Variants in ST8SIA2 observed in about 807,000 individuals in gnomAD.
The protein encoded by ST8SIA2 is ST8 alpha-N-acetyl-neuraminide alpha-2,8-sialyltransferase 2, also known as alpha-2,8-sialyltransferase 8B.
ST8SIA2 carries 22 observed loss-of-function variants against 37.6 expected under a neutral mutation model. The observed-to-expected ratio is 0.58, with a 90% CI of 0.42 to 0.83. The LOEUF (loss-of-function observed/expected upper bound fraction) is 0.83. Ranked by LOEUF, ST8SIA2 falls within the 40% of genes least tolerant of loss-of-function variation. The pLI, the probability that ST8SIA2 is intolerant of heterozygous loss-of-function variation, is 0.00. For synonymous variants in ST8SIA2, 205 were observed against 201.2 expected (o/e 1.02, Z -0.16); for missense variants, 382 against 484.7 (o/e 0.79, Z 1.99).
intron 1 of ST8SIA2, among the ~76,000 whole-genome samples, chr15:92,408,982 G>C (rs11636650): frequency 0.093 from 14,114 of 152,208 alleles, 947 homozygotes; most frequent in East Asian, 0.37. Flanking sequence ...GGGATTACAG[G>C]CATGAGCTAC....
At chr15:92,425,917 G>A (rs558836653) in intron 1 of ST8SIA2, among the ~76,000 whole-genome samples, 8 of 152,264 alleles carry the variant, frequency 5.3e-5, no homozygotes, top group African/African-American at 1.9e-4. Context: ...AGGAAGAGTC[G>A]TTTGCTGTCT....
chr15:92,434,440 T>G (rs2242113), intron 3 of ST8SIA2, 65 bp downstream of exon 3: 809,594 of 1,608,510 alleles, frequency 0.5, 207,295 homozygotes, highest in East Asian at 0.69. Flanking sequence ...GCAAATTGCT[T>G]CTCTTCGTCA....
At chr15:92,437,611 G>A (rs552261134) in intron 3 of ST8SIA2, among the ~76,000 whole-genome samples, 4 of 151,662 alleles carry the variant, frequency 2.6e-5, no homozygotes, top group South Asian at 2.1e-4. Flanking sequence ...GCAAGGGGAC[G>A]TGCACCAGCT....
intron 1 of ST8SIA2, among the ~76,000 whole-genome samples, chr15:92,426,843 C>G (rs1007306923): frequency 1.3e-5 from 2 of 152,102 alleles, no homozygotes; most frequent in African/African-American, 4.8e-5. Context: ...AATCCCAGCA[C>G]TTTGGGAAGC....
chr15:92,454,774 C>T (rs1341176897), intron 5 of ST8SIA2, among the ~76,000 whole-genome samples: 1 of 151,830 alleles, frequency 6.6e-6, no homozygotes. Flanking sequence ...GCACGGAGCC[C>T]TGGCTGGCTG....
At position 92,444,694 on chromosome 15, in the gene ST8SIA2, G is replaced by A; in HGVS notation, c.607G>A (p.Val203Ile). 1 of 1,614,246 alleles carries A rather than the reference G, an allele frequency of 6.2e-7. No individual in the cohort carries two copies. The highest frequency in any genetic ancestry group is 8.5e-7 in the Non-Finnish European group (1 of 1,180,038). ...GGATGTGGGGCTCAAGACAGACCTG[G>A]TAACCATGAACCCCTCGGTCATCCA... The part of the protein sequence containing the change: ...ARDVGLKTDL[V>I]TMNPSVIQRA... Residue 203 changes from valine to isoleucine, a missense_variant, in exon 5 of 6, where the codon GTA (valine) becomes ATA (isoleucine). Transcript: ENST00000268164.
intron 5 of ST8SIA2, among the ~76,000 whole-genome samples, chr15:92,457,306 A>G (rs1175754392): frequency 1.3e-5 from 2 of 152,204 alleles, no homozygotes; most frequent in African/African-American, 4.8e-5. Flanking sequence ...AGTGACAGCC[A>G]CTATTCTTTC....
At chr15:92,439,462 G>C (rs970603731) in intron 4 of ST8SIA2, among the ~76,000 whole-genome samples, 1 of 152,156 alleles carries the variant, frequency 6.6e-6, no homozygotes, top group Non-Finnish European at 1.5e-5. Flanking sequence ...GTCAAAATTA[G>C]GGCACGCGGA....
intron 5 of ST8SIA2, among the ~76,000 whole-genome samples, chr15:92,461,307 G>T (rs1436275734): frequency 1.3e-5 from 2 of 152,056 alleles, no homozygotes; most frequent in Non-Finnish European, 2.9e-5. Context: ...TAGAAAATTG[G>T]CTGTGTTCCC....
intron 3 of ST8SIA2, among the ~76,000 whole-genome samples, chr15:92,435,970 C>A (rs56855156): frequency 0.14 from 21,909 of 152,152 alleles, 1,983 homozygotes; most frequent in Admixed American, 0.19. Context: ...AGGGAGAACC[C>A]ATCCTCTCAC....
chr15:92,433,003 G>A (rs866541353), intron 2 of ST8SIA2, among the ~76,000 whole-genome samples: 1 of 152,148 alleles, frequency 6.6e-6, no homozygotes, highest in Non-Finnish European at 1.5e-5. Flanking sequence ...GGTGGCATTC[G>A]CCTGTAATCC....
chr15:92,398,813 A>G (rs1396515550), intron 1 of ST8SIA2, among the ~76,000 whole-genome samples: 1 of 152,006 alleles, frequency 6.6e-6, no homozygotes, highest in Non-Finnish European at 1.5e-5. Context: ...CCTCTGAGTT[A>G]TTTTTTTTAC....
At chr15:92,444,560 A>G in intron 4 of ST8SIA2, 76 bp from the exon 5 acceptor site, 4 of 1,591,410 alleles carry the variant, frequency 2.5e-6, no homozygotes. Flanking sequence ...AGGAGAGGCA[A>G]AGGATGGGAT....
At chr15:92,434,703 T>C (rs2049743475) in intron 3 of ST8SIA2, among the ~76,000 whole-genome samples, 1 of 152,214 alleles carries the variant, frequency 6.6e-6, no homozygotes, top group African/African-American at 2.4e-5. Context: ...TTCCCAGGCA[T>C]AAAGAGTCCT....
chr15:92,428,873 C>T (rs2049695103), intron 1 of ST8SIA2, among the ~76,000 whole-genome samples: 1 of 152,160 alleles, frequency 6.6e-6, no homozygotes, highest in South Asian at 2.1e-4. Flanking sequence ...TAAATATAGC[C>T]TGTTGCCAAA....
At chr15:92,421,808 G>A (rs2049636589) in intron 1 of ST8SIA2, among the ~76,000 whole-genome samples, 1 of 152,200 alleles carries the variant, frequency 6.6e-6, no homozygotes, top group South Asian at 2.1e-4. Flanking sequence ...CAGTGTCTCA[G>A]AGAACCAAGG....
chr15:92,421,209 C>T (rs1012526755), intron 1 of ST8SIA2: 1 of 152,134 alleles, frequency 6.6e-6, no homozygotes, highest in Admixed American at 6.5e-5. Context: ...TGGTAATGGG[C>T]CGGCAGTGCA....
intron 1 of ST8SIA2, among the ~76,000 whole-genome samples, chr15:92,413,353 C>T (rs867124842): frequency 2.0e-5 from 3 of 152,202 alleles, no homozygotes; most frequent in Non-Finnish European, 4.4e-5. Flanking sequence ...TTTTACTCTT[C>T]ACAGTTCACC....
At chr15:92,396,484 CTTTTCTTTTTTTCT>C (rs1425287520) in intron 1 of ST8SIA2, among the ~76,000 whole-genome samples, 1 of 140,306 alleles carries the variant, frequency 7.1e-6, no homozygotes, top group Non-Finnish European at 1.5e-5. Flanking sequence ...TTTTTTTTGT[CTTTTCTTTTTTTCT>C]TTTTCTTTTT....
Sources: allele counts gnomAD v4.1 joint callset (sites outside exome capture counted in the v4.1 genomes callset), GRCh38; gene constraint gnomAD v4.1.1; transcripts MANE v1.5; gene names NCBI Gene and HGNC (gene_info 2026-07-23, HGNC 2026-07-21).